Variants in RGS6 observed in about 807,000 individuals in gnomAD.
The protein encoded by RGS6 is regulator of G-protein signaling 6.
A neutral mutation model predicts 78.5 loss-of-function variants in RGS6; 30 were observed. That is an observed-to-expected ratio of 0.38 (90% CI 0.29 to 0.52). The LOEUF is 0.52. Ranked by LOEUF, RGS6 falls within the 20% of genes least tolerant of loss-of-function variation. The pLI is 0.85. For missense variants in RGS6, 495 were observed against 609.7 expected (o/e 0.81, Z 1.98); for synonymous variants, 206 against 206.0 (o/e 1.00, Z 0.00).
chr14:72,444,649 T>C (rs755803945), intron 3 of RGS6, among the ~76,000 whole-genome samples: 3 of 152,224 alleles, frequency 2.0e-5, no homozygotes, highest in Non-Finnish European at 4.4e-5. Context: ...CTGAGATTCC[T>C]CCTTCTCCAT....
chr14:72,289,704 C>T (rs2063234735), intron 2 of RGS6, among the ~76,000 whole-genome samples: 1 of 152,226 alleles, frequency 6.6e-6, no homozygotes, highest in Non-Finnish European at 1.5e-5. Flanking sequence ...TCTGACTCTA[C>T]ATCCAGCATT....
At chr14:72,425,278 A>G (rs547455279) in intron 3 of RGS6, among the ~76,000 whole-genome samples, 4 of 152,274 alleles carry the variant, frequency 2.6e-5, no homozygotes, top group African/African-American at 9.6e-5. Flanking sequence ...AGCTGGGACT[A>G]CAGATACACA....
intron 3 of RGS6, among the ~76,000 whole-genome samples, chr14:72,370,528 G>A (rs1596359094): frequency 1.3e-5 from 2 of 152,246 alleles, no homozygotes; most frequent in Non-Finnish European, 2.9e-5. Flanking sequence ...GCACGGGGAG[G>A]GGACGTTTTA....
chr14:72,006,722 CTTG>C (rs2084644544), intron 2 of RGS6, among the ~76,000 whole-genome samples: 2 of 152,178 alleles, frequency 1.3e-5, no homozygotes, highest in South Asian at 2.1e-4. Flanking sequence ...ACAATAAATT[CTTG>C]TTGTTTTCAG....
Position 72,075,805 on chromosome 14 carries a change from G to A in RGS6, c.84+110930G>A, listed in dbSNP as rs552087063. 1.6e-4 allele frequency among the ~76,000 whole-genome samples: 25 copies of A among 152,254 alleles called. 1 individual carries two copies. In the East Asian group the frequency reaches 4.0e-3, roughly 25 times the overall value. On this transcript the variant is annotated intron_variant, in intron 2 of 17. Transcript: ENST00000553525. ...CCCTCTTTCTGTCCTGGTACCTTAC[G>A]TGACCTCCGGACGGCAGTGTCAGTG...
intron 13 of RGS6, among the ~76,000 whole-genome samples, chr14:72,505,544 T>A (rs2096787988): frequency 6.6e-6 from 1 of 152,232 alleles, no homozygotes; most frequent in Non-Finnish European, 1.5e-5. Flanking sequence ...GTCCTTAACA[T>A]AATTCTTAAG....
intron 2 of RGS6, among the ~76,000 whole-genome samples, chr14:72,197,863 T>C (rs2153731609): frequency 6.6e-6 from 1 of 152,276 alleles, no homozygotes; most frequent in African/African-American, 2.4e-5. Flanking sequence ...TAGAAGACTT[T>C]CTGGATCCTC....
chr14:72,169,742 T>A (rs892536598), intron 2 of RGS6, among the ~76,000 whole-genome samples: 1 of 152,196 alleles, frequency 6.6e-6, no homozygotes, highest in Non-Finnish European at 1.5e-5. Context: ...GGGATGCTAG[T>A]GGAGGTGATA....
Position 72,510,491 on chromosome 14 carries a change from G to A in RGS6, c.1091+212G>A, listed in dbSNP as rs12147474. Among the ~76,000 whole-genome samples, 20,351 of 152,250 alleles carry A rather than the reference G, an allele frequency of 0.13. 1,743 individuals carry two copies. Among genetic ancestry groups the A allele is most frequent in the Middle Eastern group, 0.23 (67 of 294 alleles). On this transcript the variant is annotated intron_variant, in intron 14 of 17. Transcript: ENST00000553525. ...CACCTACTAACACCAGCATGTTTCA[G>A]TTCAAGTCTATATGACCTTTGTGCG... is the stretch of plus-strand genomic sequence containing the variant.
In RGS6 at chr14:72,044,590, G is replaced by C. The variant is rs555332995; in HGVS notation, c.84+79715G>C. Among the ~76,000 whole-genome samples the C allele has an allele frequency of 7.9e-5, 12 of 152,226 alleles. No homozygotes were observed. In the East Asian group the frequency reaches 2.3e-3, roughly 29 times the overall value. On this transcript the variant is annotated intron_variant, in intron 2 of 17. Transcript: ENST00000553525. Reference sequence around the variant, plus strand: ...TGAACATCAGAACTCCAGGTTCTTGGCTGGGTGCGGTGGCTCATGCCTGTA... The same window carrying C: ...TGAACATCAGAACTCCAGGTTCTTGCCTGGGTGCGGTGGCTCATGCCTGTA...
intron 2 of RGS6, 143 bp downstream of exon 2, chr14:71,965,018 A>G: frequency 1.9e-6 from 1 of 518,962 alleles, no homozygotes; most frequent in Non-Finnish European, 3.2e-6. Flanking sequence ...CTGGTTCTCT[A>G]GTTCTAAAAT....
chr14:71,898,192 A>T, the RGS6 span, among the ~76,000 whole-genome samples: 2 of 152,192 alleles, frequency 1.3e-5, no homozygotes, highest in African/African-American at 4.8e-5. Flanking sequence ...TATTAACTAC[A>T]GTCACCATGC....
intron 3 of RGS6, among the ~76,000 whole-genome samples, chr14:72,418,092 T>A (rs2093952218): frequency 6.6e-6 from 1 of 152,164 alleles, no homozygotes; most frequent in African/African-American, 2.4e-5. Flanking sequence ...CGGCCCATTT[T>A]ACTAGATCTA....
At chr14:72,166,093 GACACACACACAC>G (rs3055029) in intron 2 of RGS6, among the ~76,000 whole-genome samples, 1,718 of 107,774 alleles carry the variant, frequency 0.016, 44 homozygotes, top group African/African-American at 0.05. Context: ...CCATTTTTGA[GACACACACACAC>G]ACACACACAC....
At chr14:72,458,241 T>G in intron 4 of RGS6, 30 bp from the exon 5 acceptor site, 2 of 1,547,136 alleles carry the variant, frequency 1.3e-6, no homozygotes. Context: ...GCTTTCTAAT[T>G]CCTTCTCTCT....
chr14:72,527,081 T>G lies in RGS6; in HGVS notation c.1278+8544T>G, dbSNP rs916697040. 2.6e-4 allele frequency among the ~76,000 whole-genome samples: 39 copies of G among 152,340 alleles called. 1 individual carries two copies. Among genetic ancestry groups the G allele is most frequent in the Admixed American group, 3.9e-4 (6 of 15,304 alleles). ...TTTCCAAAGATGTTCATAGCTCCCTTCAAGTATAGATGGCAAGTTGTGCAT... is the reference window on the plus strand; with the variant it reads ...TTTCCAAAGATGTTCATAGCTCCCTGCAAGTATAGATGGCAAGTTGTGCAT... On this transcript the variant is annotated intron_variant, in intron 15 of 17. Transcript: ENST00000553525.
chr14:72,364,984 G>A (rs847327), intron 3 of RGS6, among the ~76,000 whole-genome samples: 88,942 of 151,604 alleles, frequency 0.59, 28,126 homozygotes, highest in African/African-American at 0.84. Context: ...TGCAAGGCCC[G>A]TCTCTACACT....
At chr14:72,420,581 A>C (rs1026748798) in intron 3 of RGS6, among the ~76,000 whole-genome samples, 2 of 151,414 alleles carry the variant, frequency 1.3e-5, no homozygotes, top group Non-Finnish European at 2.9e-5. Context: ...CTGTGAATTC[A>C]TTTTTTTCCC....
chr14:72,498,942 T>A (rs2096681711), intron 13 of RGS6, among the ~76,000 whole-genome samples: 1 of 152,264 alleles, frequency 6.6e-6, no homozygotes, highest in African/African-American at 2.4e-5. Context: ...GTCCCGGGTA[T>A]GTGGTCCAAG....
Sources: allele counts gnomAD v4.1 joint callset (sites outside exome capture counted in the v4.1 genomes callset), GRCh38; gene constraint gnomAD v4.1.1; transcripts MANE v1.5; gene names NCBI Gene and HGNC (gene_info 2026-07-23, HGNC 2026-07-21).